The following MAP3K10 variants were observed in gnomAD, a reference collection of about 807,000 sequenced individuals.
The protein encoded by MAP3K10 is MKN28 derived nonreceptor_type serine/threonine kinase.
Under a neutral mutation model 75.0 loss-of-function variants are expected in MAP3K10, and 22 were observed. The ratio of observed to expected loss-of-function variants is 0.29; its 90% CI spans 0.21 to 0.42. The LOEUF is 0.42. Among genes scored for constraint, MAP3K10 ranks in the 10% least tolerant of loss-of-function variants. The pLI, the probability that MAP3K10 is intolerant of heterozygous loss-of-function variation, is 1.00. For missense variants in MAP3K10, 1,165 were observed against 1,379.8 expected, an observed-to-expected ratio of 0.84 and a Z score of 2.47; for synonymous variants, 599 against 612.9, an observed-to-expected ratio of 0.98 and a Z score of 0.34.
chr19:40,214,003 C>CCCCCCCCCCCCCCCCCCCCCCGCCCCCA lies in MAP3K10; in HGVS notation c.2327_2328insCCCCCCCCCCCCCCCCCCGCCCCCACCC (p.Ser779ProfsTer82). 1 of 1,439,942 alleles carries CCCCCCCCCCCCCCCCCCCCCCGCCCCCA rather than the reference C, an allele frequency of 6.9e-7. No individual in the cohort carries two copies. The highest frequency in any genetic ancestry group is 1.2e-5 in the South Asian group (1 of 81,046). The allele number at this position is 1,439,942 out of a possible 1,614,324, so 89.2% of individuals were successfully genotyped here. On this transcript the variant is annotated frameshift_variant, in exon 9 of 10. Transcript: ENST00000253055. LOFTEE classifies it high-confidence loss of function. ...GACGAGGCCGCACCGGCCGCGCCCT[C>CCCCCCCCCCCCCCCCCCCCCCGCCCCCA]CCCACCACCCTCCCCGCCCGCGCCC...
Position 40,205,687 on chromosome 19 carries a change from A to T in MAP3K10, c.1189-224A>T. On this transcript the variant is annotated intron_variant, in intron 4 of 9. Coordinates refer to ENST00000253055, the MANE Select transcript of MAP3K10 (RefSeq NM_002446.4). The surrounding 1 kb of genome is among the most constrained non-coding windows in gnomAD (Gnocchi z 4.3). The stretch of plus-strand genomic sequence containing the variant: ...TTGAAGTTTTCTAAATTGAAGAGTT[A>T]AGAAAGAAAAAGAAAGAAAAAGCAC... The T allele has an allele frequency of 1.9e-6, 1 of 534,198 alleles. No homozygotes were observed. Among genetic ancestry groups the T allele is most frequent in the Non-Finnish European group, 3.3e-6 (1 of 307,144 alleles). The allele number at this position is 534,198 out of a possible 1,614,324, so 33.1% of individuals were successfully genotyped here.
Position 40,191,520 on chromosome 19 carries a change from C to A in MAP3K10, c.-512C>A, listed in dbSNP as rs1332302931. ...AGGCCGGTGCCAAGGATGGGGGCCGCCCGGCTGCCCCGCGCGTGAGGAGGC... is the reference window on the plus strand; with the variant it reads ...AGGCCGGTGCCAAGGATGGGGGCCGACCGGCTGCCCCGCGCGTGAGGAGGC... On this transcript the variant is annotated 5_prime_UTR_variant, in exon 1 of 10. Transcript: ENST00000253055. Among the ~76,000 whole-genome samples the A allele has an allele frequency of 6.7e-6, 1 of 149,488 alleles. No individual in the cohort carries two copies. The highest frequency in any genetic ancestry group is 1.5e-5 in the Non-Finnish European group (1 of 67,090).
At chr19:40,210,316 G>A (rs1228900892) in intron 6 of MAP3K10, among the ~76,000 whole-genome samples, 3 of 140,590 alleles carry the variant, frequency 2.1e-5, no homozygotes, top group Non-Finnish European at 4.5e-5. Context: ...ATGAGGGATT[G>A]GCACATACGA....
rs1043430078 is a variant in MAP3K10 at position 40,213,668 on chromosome 19, G to C, written c.1989G>C (p.Trp663Cys). Residue 663 changes from tryptophan (W) to cysteine (C), a missense_variant, in exon 9 of 10, where the codon TGG (tryptophan) becomes TGC (cysteine). Around this residue, in one of 2 missense-constraint regions of MAP3K10, gnomAD observed 590 missense variants for 586.6 expected, o/e 1.01. Transcript: ENST00000253055. This position sits in a 1 kb window ranked among gnomAD's most constrained non-coding sequence, Gnocchi z 5.7. The part of the protein sequence containing the change: ...EPTPSAPPAR[W>C]GHGARRRCDL... ...CGCCGTCCGCGCCCCCCGCTCGGTG[G>C]GGACACGGCGCCCGGCGGCGCTGCG... 3.5e-6 allele frequency: 4 copies of C among 1,156,778 alleles called. No homozygotes were observed. The highest frequency in any genetic ancestry group is 4.3e-6 in the Non-Finnish European group (4 of 933,988). 71.7% of individuals were successfully genotyped at this position (1,156,778 alleles called of 1,614,324 possible).
At chr19:40,202,594 CTTAT>C (rs112509632) in intron 2 of MAP3K10, among the ~76,000 whole-genome samples, 5,943 of 152,132 alleles carry the variant, frequency 0.039, 224 homozygotes, top group African/African-American at 0.096. Flanking sequence ...CAGATTTCAT[CTTAT>C]TTAAGATATA....
In MAP3K10 at chr19:40,209,340, T is replaced by A. The variant is rs368351374; in HGVS notation, c.1552+121T>A. 1.3e-5 allele frequency: 8 copies of A among 634,266 alleles called. No individual in the cohort carries two copies. In the African/African-American group the frequency reaches 1.5e-4, roughly 12 times the overall value. 39.3% of individuals were successfully genotyped at this position (634,266 alleles called of 1,614,324 possible). On this transcript the variant is annotated intron_variant, in intron 6 of 9. Transcript: ENST00000253055. ...AAGAAAGAAGACAGACAAGGCCCTT[T>A]TCCTCATTCTTATCACAGGAAACAG... is the stretch of plus-strand genomic sequence containing the variant.
intron 5 of MAP3K10, among the ~76,000 whole-genome samples, chr19:40,208,348 T>TC (rs1354023518): frequency 8.7e-4 from 78 of 89,462 alleles, no homozygotes; most frequent in Admixed American, 2.2e-3. Flanking sequence ...TTTCTTTCTT[T>TC]TTTTTTTTTT....
In MAP3K10 at chr19:40,192,054, T is replaced by C; in HGVS notation, c.23T>C (p.Val8Ala). MEEEEGA[V>A]AKEWGTTPAG... is the part of the protein sequence containing the mutation. ...CCCATGGAGGAGGAGGAGGGGGCGG[T>C]GGCCAAGGAGTGGGGCACGACCCCC... is the stretch of plus-strand genomic sequence containing the variant. The change falls in exon 1 of 10, where the codon GTG (valine) becomes GCG (alanine). Residue 8 changes from valine (V) to alanine (A), a missense_variant. Transcript: ENST00000253055. This position sits in a 1 kb window ranked among gnomAD's most constrained non-coding sequence, Gnocchi z 7.1. 6.9e-7 allele frequency: 1 copy of C among 1,445,302 alleles called. No individual in the cohort carries two copies. Among genetic ancestry groups the C allele is most frequent in the Admixed American group, 2.8e-5 (1 of 35,888 alleles). The allele number at this position is 1,445,302 out of a possible 1,614,324, so 89.5% of individuals were successfully genotyped here.
chr19:40,192,524 C>T lies in MAP3K10; in HGVS notation c.493C>T (p.Leu165Phe). The T allele has an allele frequency of 6.2e-7, 1 of 1,613,586 alleles. No individual in the cohort carries two copies. Among genetic ancestry groups the T allele is most frequent in the Non-Finnish European group, 8.5e-7 (1 of 1,179,956 alleles). ...CATAATTGCCCTTAGGGGCGCCTGC[C>T]TCAACCCCCCACACCTCTGCCTAGT... ...PNIIALRGAC[L>F]NPPHLCLVME... Residue 165 changes from leucine to phenylalanine, a missense_variant, in exon 1 of 10, where the codon CTC becomes TTC. Leu to Phe is a conservative substitution (Grantham distance 22, BLOSUM62 0). Around this residue, in one of 2 missense-constraint regions of MAP3K10, gnomAD observed 575 missense variants for 793.2 expected, o/e 0.72. Coordinates refer to ENST00000253055, the MANE Select transcript of MAP3K10 (RefSeq NM_002446.4). The surrounding 1 kb of genome is among the most constrained non-coding windows in gnomAD (Gnocchi z 7.1).
chr19:40,201,476 A>G (rs1026739735), intron 2 of MAP3K10, among the ~76,000 whole-genome samples: 1 of 146,718 alleles, frequency 6.8e-6, no homozygotes, highest in African/African-American at 2.5e-5. Context: ...TACAGGCGTC[A>G]GCCACCGCAC....
chr19:40,208,362 T>TTTTTA lies in MAP3K10; in HGVS notation c.1436-737_1436-736insATTTT, dbSNP rs1555756658. 3.3e-3 allele frequency among the ~76,000 whole-genome samples: 387 copies of TTTTTA among 116,376 alleles called. 2 individuals carry two copies. Among genetic ancestry groups the TTTTTA allele is most frequent in the African/African-American group, 0.013 (380 of 28,424 alleles). 76.3% of individuals were successfully genotyped at this position (116,376 alleles called of 152,430 possible). On this transcript the variant is annotated intron_variant, in intron 5 of 9. Transcript: ENST00000253055. ...CTTTCTTTCTTTTTTTTTTTTTTTTTTTTTTTTGTATTTTTAGTAGAGACA... is the reference window on the plus strand; with the variant it reads ...CTTTCTTTCTTTTTTTTTTTTTTTTTTTTTATTTTTTTGTATTTTTAGTAGAGACA...
chr19:40,214,002 T>TCCCCCCCCCCCACCCCCCCCCCCC lies in MAP3K10; in HGVS notation c.2327_2328insCCCCCCCACCCCCCCCCCCCCCCC (p.Pro778_Ser779insThrProProProProProProPro). The TCCCCCCCCCCCACCCCCCCCCCCC allele has an allele frequency of 1.3e-6, 2 of 1,493,668 alleles. No homozygotes were observed. The highest frequency in any genetic ancestry group is 1.8e-6 in the Non-Finnish European group (2 of 1,123,852). 92.5% of individuals were successfully genotyped at this position (1,493,668 alleles called of 1,614,324 possible). On this transcript the variant is annotated inframe_insertion, in exon 9 of 10. Transcript: ENST00000253055. Reference sequence around the variant, plus strand: ...TGACGAGGCCGCACCGGCCGCGCCCTCCCCACCACCCTCCCCGCCCGCGCC... The same window carrying TCCCCCCCCCCCACCCCCCCCCCCC: ...TGACGAGGCCGCACCGGCCGCGCCCTCCCCCCCCCCCACCCCCCCCCCCCCCCCACCACCCTCCCCGCCCGCGCC...
rs768199803 is a variant in MAP3K10 at position 40,205,879 on chromosome 19, C to G, written c.1189-32C>G. On this transcript the variant is annotated intron_variant, in intron 4 of 9. Transcript: ENST00000253055. The surrounding 1 kb of genome is among the most constrained non-coding windows in gnomAD (Gnocchi z 4.3). ...TCCCCAGGAAGCAGAGCAGCTAAGC[C>G]CCTCCCCCCAGCCACCGCCTCTCCT... is the stretch of plus-strand genomic sequence containing the variant. The G allele has an allele frequency of 1.1e-5, 16 of 1,495,050 alleles. No individual in the cohort carries two copies. In the African/African-American group the frequency reaches 2.2e-4, roughly 21 times the overall value. 92.6% of individuals were successfully genotyped at this position (1,495,050 alleles called of 1,614,324 possible).
intron 1 of MAP3K10, among the ~76,000 whole-genome samples, chr19:40,194,600 T>C (rs1375870113): frequency 1.3e-5 from 2 of 152,188 alleles, no homozygotes; most frequent in African/African-American, 4.8e-5. Flanking sequence ...GGGCCTCTTA[T>C]GGCCAGGGCT....
rs772179096 is a variant in MAP3K10 at position 40,213,917 on chromosome 19, C to T, written c.2238C>T (p.Leu746=). ...PGLGLAPSAT[L]VSLSSVSDCN... ...TGGGCCTGGCGCCCTCGGCCACCCT[C>T]GTGTCGCTGTCGTCCGTGTCCGACT... The change falls in exon 9 of 10, where the codon CTC becomes CTT. Residue 746 remains leucine, a synonymous_variant. Coordinates refer to ENST00000253055, the MANE Select transcript of MAP3K10 (RefSeq NM_002446.4). This position sits in a 1 kb window ranked among gnomAD's most constrained non-coding sequence, Gnocchi z 5.7. 5.9e-6 allele frequency: 9 copies of T among 1,520,124 alleles called. No individual in the cohort carries two copies. Among genetic ancestry groups the T allele is most frequent in the Middle Eastern group, 1.7e-4 (1 of 5,844 alleles). The allele number at this position is 1,520,124 out of a possible 1,614,324, so 94.2% of individuals were successfully genotyped here. A position where few individuals can be genotyped will look rare whatever the true frequency, so the allele number is the denominator to read the frequency against.
At chr19:40,194,059 T>A (rs1407502992) in intron 1 of MAP3K10, among the ~76,000 whole-genome samples, 1 of 152,196 alleles carries the variant, frequency 6.6e-6, no homozygotes, top group East Asian at 1.9e-4. Flanking sequence ...GCCTGACATT[T>A]GTATATCAAC....
intron 6 of MAP3K10, 21 bp downstream of exon 6, chr19:40,209,240 T>A: frequency 6.3e-7 from 1 of 1,592,036 alleles, no homozygotes; most frequent in Non-Finnish European, 8.6e-7. Context: ...CCCAAGGCCC[T>A]GACCAGTCAG....
In MAP3K10 at chr19:40,197,887, A is replaced by C. The variant is rs191815763; in HGVS notation, c.683-488A>C. On this transcript the variant is annotated intron_variant, in intron 1 of 9. Coordinates refer to ENST00000253055, the MANE Select transcript of MAP3K10 (RefSeq NM_002446.4). The stretch of plus-strand genomic sequence containing the variant: ...CACTCTATTGCCCAGGCTGGAGTGC[A>C]ATGGCAAGACCATGGCTCACTGCAG... 2.9e-3 allele frequency among the ~76,000 whole-genome samples: 448 copies of C among 152,040 alleles called. 3 individuals carry two copies. The highest frequency in any genetic ancestry group is 1.0e-2 in the African/African-American group (414 of 41,486).
chr19:40,196,613 G>A (rs1173002139), intron 1 of MAP3K10, among the ~76,000 whole-genome samples: 1 of 152,140 alleles, frequency 6.6e-6, no homozygotes, highest in East Asian at 1.9e-4. Flanking sequence ...CTGCCTCCTG[G>A]GTTCAAGTGA....
Sources: gnomAD v4.1 joint callset for allele counts (sites outside exome capture counted in the v4.1 genomes callset) on GRCh38, gnomAD v4.1.1 for gene constraint, gnomAD v4.1.1 regional missense constraint, Gnocchi (gnomAD v3.1) non-coding constraint, MANE v1.5 for transcripts, NCBI Gene and HGNC (gene_info 2026-07-23, HGNC 2026-07-21) for gene names.